ZNF507: variants seen among roughly 807,000 people sequenced by gnomAD.
The protein encoded by ZNF507 is zinc finger protein 507.
ZNF507 carries 29 observed loss-of-function variants against 80.0 expected under a neutral mutation model. The observed-to-expected ratio is 0.36, with a 90% CI of 0.27 to 0.49. ZNF507 has a LOEUF of 0.49. Among genes scored for constraint, ZNF507 ranks in the 20% least tolerant of loss-of-function variants. ZNF507 has a pLI of 0.98. For missense variants in ZNF507, 1,081 were observed against 1,152.2 expected (o/e 0.94, Z 0.90); for synonymous variants, 462 against 422.5 (o/e 1.09, Z -1.15).
At chr19:32,351,471 GGCGTGGGGGGGCGGGGCC>G (rs1967164305) in intron 2 of ZNF507, among the ~76,000 whole-genome samples, 3 of 123,258 alleles carry the variant, frequency 2.4e-5, no homozygotes, top group Non-Finnish European at 3.4e-5. Flanking sequence ...GTGTGTGTGT[GGCGTGGGGGGGCGGGGCC>G]TGTTTTTGTG....
In ZNF507 at chr19:32,355,876, G is replaced by A. The variant is rs995476127; in HGVS notation, c.2128-740G>A. Among the ~76,000 whole-genome samples the A allele has an allele frequency of 1.4e-4, 21 of 152,128 alleles. 1 individual carries two copies. Among genetic ancestry groups the A allele is most frequent in the African/African-American group, 5.1e-4 (21 of 41,420 alleles). ...TAGCTGGGTATGGTGGTGGGCACCT[G>A]TAGTCCCAGCTACTCGGGAGGCTAA... On this transcript the variant is annotated intron_variant, in intron 3 of 6. Transcript: ENST00000355898.
rs761636840 is a variant in ZNF507 at position 32,353,790 on chromosome 19, A to T, written c.960A>T (p.Pro320=). 6.8e-5 allele frequency: 109 copies of T among 1,614,242 alleles called. No individual in the cohort carries two copies. The highest frequency in any genetic ancestry group is 9.0e-5 in the Non-Finnish European group (106 of 1,180,034). ...GTGAACTGAGTATCCACAATGGGCC[A>T]TCAGTGCAAGTGCAGATTTGCAGCT... is the stretch of plus-strand genomic sequence containing the variant. ...GESELSIHNG[P]SVQVQICSSE... Residue 320 remains proline (P), a synonymous_variant, in exon 3 of 7, where the codon CCA becomes CCT. Transcript: ENST00000355898.
At chr19:32,368,651 T>C (rs1241563456) in intron 5 of ZNF507, among the ~76,000 whole-genome samples, 2 of 152,202 alleles carry the variant, frequency 1.3e-5, no homozygotes, top group South Asian at 2.1e-4. Flanking sequence ...GTGAAGGAGA[T>C]AGTTTTATCA....
Position 32,383,156 on chromosome 19 carries a change from G to T in ZNF507, c.*73G>T. On this transcript the variant is annotated 3_prime_UTR_variant, in exon 7 of 7. Coordinates refer to ENST00000355898, the MANE Select transcript of ZNF507 (RefSeq NM_001136156.2). ...CCACAGTTTCACCTTTACGCTGTCA[G>T]ACAACTTCCTGCCACAGAAGAAGTC... is the stretch of plus-strand genomic sequence containing the variant. 2 of 1,516,180 alleles carry T rather than the reference G, an allele frequency of 1.3e-6. No homozygotes were observed. The highest frequency in any genetic ancestry group is 8.9e-7 in the Non-Finnish European group (1 of 1,129,470). 93.9% of individuals were successfully genotyped at this position (1,516,180 alleles called of 1,614,324 possible). A position where few individuals can be genotyped will look rare whatever the true frequency, so the allele number is the denominator to read the frequency against.
chr19:32,383,149 G>A lies in ZNF507; in HGVS notation c.*66G>A, dbSNP rs147487056. 595 of 1,529,308 alleles carry A rather than the reference G, an allele frequency of 3.9e-4. 3 individuals are homozygous for A. In the African/African-American group the frequency reaches 7.3e-3, roughly 19 times the overall value. 94.7% of individuals were successfully genotyped at this position (1,529,308 alleles called of 1,614,324 possible). On this transcript the variant is annotated 3_prime_UTR_variant, in exon 7 of 7. Coordinates refer to ENST00000355898, the MANE Select transcript of ZNF507 (RefSeq NM_001136156.2). ...TCCTTCACCACAGTTTCACCTTTAC[G>A]CTGTCAGACAACTTCCTGCCACAGA... is the stretch of plus-strand genomic sequence containing the variant.
chr19:32,346,953 A>G (rs1035714228), intron 1 of ZNF507, among the ~76,000 whole-genome samples: 2 of 152,252 alleles, frequency 1.3e-5, no homozygotes, highest in Admixed American at 1.3e-4. Context: ...TGTTGTCAGT[A>G]AAACCAATAG....
At chr19:32,347,881 A>G (rs988389401) in intron 2 of ZNF507, among the ~76,000 whole-genome samples, 5 of 152,214 alleles carry the variant, frequency 3.3e-5, no homozygotes, top group Non-Finnish European at 7.3e-5. Flanking sequence ...GCCAACTAAG[A>G]AACTCTAGAC....
chr19:32,387,617 A>G lies in ZNF507; in HGVS notation c.*4534A>G, dbSNP rs1295324229. 1 of 152,236 alleles carries G rather than the reference A, an allele frequency of 6.6e-6. No homozygotes were observed. The highest frequency in any genetic ancestry group is 1.5e-5 in the Non-Finnish European group (1 of 68,040). 9.4% of individuals were successfully genotyped at this position (152,236 alleles called of 1,614,324 possible). A position where few individuals can be genotyped will look rare whatever the true frequency, so the allele number is the denominator to read the frequency against. ...TGGAAATGTATTAACAGTTTTTTATATTGATTACATGTTGAAATGATATTT... is the reference window on the plus strand; with the variant it reads ...TGGAAATGTATTAACAGTTTTTTATGTTGATTACATGTTGAAATGATATTT... On this transcript the variant is annotated 3_prime_UTR_variant, in exon 7 of 7. Coordinates refer to ENST00000355898, the MANE Select transcript of ZNF507 (RefSeq NM_001136156.2).
intron 5 of ZNF507, among the ~76,000 whole-genome samples, chr19:32,380,239 C>G (rs1487615744): frequency 1.3e-5 from 2 of 152,050 alleles, no homozygotes; most frequent in South Asian, 2.1e-4. Flanking sequence ...GCCTGTAATC[C>G]TAGCACTTAG....
chr19:32,356,019 T>C (rs1231576788), intron 3 of ZNF507, among the ~76,000 whole-genome samples: 1 of 152,076 alleles, frequency 6.6e-6, no homozygotes, highest in Non-Finnish European at 1.5e-5. Context: ...GTAACAGGAA[T>C]AAGAAAGCCC....
intron 5 of ZNF507, among the ~76,000 whole-genome samples, chr19:32,363,345 A>G (rs1307780368): frequency 6.6e-6 from 1 of 152,158 alleles, no homozygotes; most frequent in African/African-American, 2.4e-5. Flanking sequence ...GGCACAAAAG[A>G]TTTATTGTTT....
chr19:32,365,096 C>T (rs562363037), intron 5 of ZNF507, among the ~76,000 whole-genome samples: 1 of 152,118 alleles, frequency 6.6e-6, no homozygotes, highest in Non-Finnish European at 1.5e-5. Flanking sequence ...TTTCCCTGAT[C>T]GTTAATGATT....
intron 5 of ZNF507, among the ~76,000 whole-genome samples, chr19:32,367,829 G>T (rs191689998): frequency 1.1e-4 from 16 of 152,320 alleles, no homozygotes; most frequent in African/African-American, 3.8e-4. Context: ...AGTGTAGTCA[G>T]TTATTGTATG....
intron 5 of ZNF507, among the ~76,000 whole-genome samples, 192 bp downstream of exon 5, chr19:32,360,810 T>C (rs1189622227): frequency 6.6e-6 from 1 of 152,206 alleles, no homozygotes; most frequent in East Asian, 1.9e-4. Context: ...CTTGCTGTAT[T>C]GCCCAGGCTG....
At chr19:32,355,362 A>G (rs1212545394) in intron 3 of ZNF507, among the ~76,000 whole-genome samples, 3 of 152,214 alleles carry the variant, frequency 2.0e-5, no homozygotes, top group Non-Finnish European at 4.4e-5. Flanking sequence ...ATATGGCCCC[A>G]GAATGCCAGG....
intron 5 of ZNF507, among the ~76,000 whole-genome samples, chr19:32,369,064 T>C (rs1439242835): frequency 6.6e-6 from 1 of 152,230 alleles, no homozygotes; most frequent in Non-Finnish European, 1.5e-5. Flanking sequence ...GGAGAGTCTG[T>C]AGAAAAATTC....
chr19:32,354,808 T>G lies in ZNF507; in HGVS notation c.1978T>G (p.Leu660Val). 1 of 1,614,182 alleles carries G rather than the reference T, an allele frequency of 6.2e-7. No homozygotes were observed. Among genetic ancestry groups the G allele is most frequent in the Non-Finnish European group, 8.5e-7 (1 of 1,180,036 alleles). The change falls in exon 3 of 7, where the codon TTA (leucine) becomes GTA (valine). Residue 660 changes from leucine to valine, a missense_variant. Leu to Val is a conservative substitution (Grantham distance 32, BLOSUM62 1). Around this residue, in one of 6 missense-constraint regions of ZNF507, gnomAD observed 614 missense variants for 583.9 expected, o/e 1.05. Transcript: ENST00000355898. Reference protein sequence around the residue: ...SGNKGYIKQHLRVHRQRQPYQ... With the variant: ...SGNKGYIKQHVRVHRQRQPYQ... Reference sequence around the variant, plus strand: ...CAACAAGGGCTACATCAAGCAGCACTTACGAGTCCATCGACAGAGACAGCC... The same window carrying G: ...CAACAAGGGCTACATCAAGCAGCACGTACGAGTCCATCGACAGAGACAGCC...
intron 2 of ZNF507, among the ~76,000 whole-genome samples, chr19:32,352,570 A>G (rs2145315590): frequency 6.6e-6 from 1 of 152,190 alleles, no homozygotes; most frequent in Admixed American, 6.5e-5. Flanking sequence ...ATGGAGAAAA[A>G]GATCATCATT....
At chr19:32,381,761 G>C (rs1293038252) in intron 5 of ZNF507, among the ~76,000 whole-genome samples, 2 of 152,120 alleles carry the variant, frequency 1.3e-5, no homozygotes, top group Non-Finnish European at 2.9e-5. Flanking sequence ...GTTAATAATG[G>C]GAGGAATTGG....
Sources: allele counts gnomAD v4.1 joint callset (sites outside exome capture counted in the v4.1 genomes callset), GRCh38; gene constraint gnomAD v4.1.1; regional missense constraint gnomAD v4.1.1; transcripts MANE v1.5; gene names NCBI Gene and HGNC (gene_info 2026-07-23, HGNC 2026-07-21).